Variants in PTPRD observed in about 807,000 individuals in gnomAD.
PTPRD encodes the protein receptor-type tyrosine-protein phosphatase delta.
A neutral mutation model predicts 214.5 loss-of-function variants in PTPRD; 34 were observed. The observed-to-expected ratio is 0.16, with a 90% CI of 0.12 to 0.21. PTPRD has a LOEUF of 0.21. Ranked by LOEUF, PTPRD falls within the 10% of genes least tolerant of loss-of-function variation. The pLI is 1.00. For synonymous variants in PTPRD, 1,128 were observed against 845.7 expected (o/e 1.33, Z -5.79); for missense variants, 2,545 against 2,398.7 (o/e 1.06, Z -1.27).
At chr9:10,563,730 A>T (rs1377235773) in intron 2 of PTPRD, among the ~76,000 whole-genome samples, 3 of 151,906 alleles carry the variant, frequency 2.0e-5, no homozygotes, top group Non-Finnish European at 4.4e-5. Flanking sequence ...TACGTGTCTA[A>T]ATGGTTGTAT....
intron 11 of PTPRD, among the ~76,000 whole-genome samples, chr9:8,734,885 G>A (rs977878450): frequency 6.6e-6 from 1 of 152,184 alleles, no homozygotes; most frequent in Non-Finnish European, 1.5e-5. Flanking sequence ...ACTAGGCCTT[G>A]AAGTTTAACC....
intron 10 of PTPRD, among the ~76,000 whole-genome samples, chr9:9,032,099 G>A (rs1465471973): frequency 6.6e-6 from 1 of 151,590 alleles, no homozygotes; most frequent in Non-Finnish European, 1.5e-5. Flanking sequence ...TTATTTTAAG[G>A]ACAACAGCAT....
intron 3 of PTPRD, among the ~76,000 whole-genome samples, chr9:10,057,176 A>G (rs1441806809): frequency 6.6e-6 from 1 of 152,160 alleles, no homozygotes; most frequent in Non-Finnish European, 1.5e-5. Flanking sequence ...TGAATCATAA[A>G]GTTCTGGAAG....
intron 11 of PTPRD, among the ~76,000 whole-genome samples, chr9:8,944,995 C>A (rs1159513005): frequency 6.6e-6 from 1 of 151,920 alleles, no homozygotes; most frequent in Non-Finnish European, 1.5e-5. Context: ...TTGTATACCT[C>A]TCAAAATATC....
At chr9:9,292,867 A>C (rs562699750) in intron 9 of PTPRD, among the ~76,000 whole-genome samples, 2 of 151,456 alleles carry the variant, frequency 1.3e-5, no homozygotes, top group Admixed American at 1.3e-4. Context: ...GTTTGTTTTC[A>C]TGGTTAGATT....
intron 8 of PTPRD, among the ~76,000 whole-genome samples, chr9:9,421,528 G>C (rs1199223099): frequency 6.6e-6 from 1 of 152,010 alleles, no homozygotes; most frequent in Non-Finnish European, 1.5e-5. Flanking sequence ...TACAACAAAA[G>C]TGTTTTCTTA....
At chr9:10,332,442 C>T (rs2096768376) in intron 3 of PTPRD, among the ~76,000 whole-genome samples, 1 of 151,742 alleles carries the variant, frequency 6.6e-6, no homozygotes, top group Admixed American at 6.6e-5. Flanking sequence ...CTTCACTTCC[C>T]TGATCATACA....
At chr9:9,293,954 C>T (rs1351313907) in intron 9 of PTPRD, among the ~76,000 whole-genome samples, 2 of 151,452 alleles carry the variant, frequency 1.3e-5, no homozygotes, top group African/African-American at 4.8e-5. Context: ...TTGGCATATT[C>T]AAATGGCCAG....
At chr9:8,441,800 C>T (rs752799381) in intron 34 of PTPRD, among the ~76,000 whole-genome samples, 5 of 152,122 alleles carry the variant, frequency 3.3e-5, no homozygotes, top group Admixed American at 6.5e-5. Context: ...TTAAAGAACT[C>T]GATCAAAGTC....
chr9:8,314,343 G>A lies in PTPRD; in HGVS notation c.*3531C>T, dbSNP rs998567326. 1.3e-5 allele frequency: 3 copies of A among 227,378 alleles called. No individual in the cohort carries two copies. The highest frequency in any genetic ancestry group is 1.8e-5 in the Non-Finnish European group (2 of 114,072). 14.1% of individuals were successfully genotyped at this position (227,378 alleles called of 1,614,324 possible). A position where few individuals can be genotyped will look rare whatever the true frequency, so the allele number is the denominator to read the frequency against. On this transcript the variant is annotated 3_prime_UTR_variant, in exon 46 of 46. Transcript: ENST00000381196. Reference sequence around the variant, plus strand: ...CATACAGACTTCTTTCGCCACCAATGTAACGAAGTAAGAAAATAAAAAGCA... The same window carrying A: ...CATACAGACTTCTTTCGCCACCAATATAACGAAGTAAGAAAATAAAAAGCA...
At chr9:10,365,598 C>A (rs1354596609) in intron 2 of PTPRD, among the ~76,000 whole-genome samples, 2 of 152,080 alleles carry the variant, frequency 1.3e-5, no homozygotes, top group Non-Finnish European at 2.9e-5. Flanking sequence ...CTGAGACACT[C>A]CAGATTATCG....
intron 2 of PTPRD, among the ~76,000 whole-genome samples, chr9:10,377,224 A>G (rs372820287): frequency 6.8e-4 from 103 of 152,108 alleles, no homozygotes; most frequent in African/African-American, 2.3e-3. Context: ...GTTGTTGCAA[A>G]TGACAGGATC....
chr9:10,368,930 C>G (rs1377580411), intron 2 of PTPRD, among the ~76,000 whole-genome samples: 1 of 152,034 alleles, frequency 6.6e-6, no homozygotes, highest in Non-Finnish European at 1.5e-5. Context: ...GATTAAGCAG[C>G]AAAACACACA....
intron 2 of PTPRD, among the ~76,000 whole-genome samples, chr9:10,356,731 G>A (rs10959067): frequency 6.6e-6 from 1 of 151,216 alleles, no homozygotes; most frequent in Non-Finnish European, 1.5e-5. Flanking sequence ...CCACGTTGTA[G>A]TGCAGTGGCA....
At chr9:9,245,238 G>A (rs888887137) in intron 9 of PTPRD, among the ~76,000 whole-genome samples, 4 of 151,994 alleles carry the variant, frequency 2.6e-5, no homozygotes, top group African/African-American at 7.2e-5. Flanking sequence ...GCGATTCCTC[G>A]GGGATCTAGA....
chr9:9,045,264 G>A (rs762517368), intron 10 of PTPRD, among the ~76,000 whole-genome samples: 2 of 152,084 alleles, frequency 1.3e-5, no homozygotes, highest in Non-Finnish European at 2.9e-5. Context: ...TTTCAAAAAG[G>A]CTTCAAGGGT....
chr9:9,096,403 C>T (rs936099836), intron 10 of PTPRD, among the ~76,000 whole-genome samples: 7 of 152,058 alleles, frequency 4.6e-5, no homozygotes, highest in Non-Finnish European at 1.0e-4. Context: ...GTCAATCTCA[C>T]GAATGGAATG....
intron 11 of PTPRD, among the ~76,000 whole-genome samples, chr9:8,924,527 C>A (rs1013441257): frequency 7.2e-5 from 11 of 152,134 alleles, no homozygotes; most frequent in African/African-American, 2.4e-4. Context: ...ATCAGGGAAT[C>A]AAAGTGGTAC....
intron 3 of PTPRD, among the ~76,000 whole-genome samples, chr9:10,258,443 TCTC>T (rs2093448144): frequency 6.6e-6 from 1 of 152,254 alleles, no homozygotes; most frequent in South Asian, 2.1e-4. Flanking sequence ...TGCCATAATA[TCTC>T]GGAGTGCTGA....
Sources: allele counts gnomAD v4.1 joint callset (sites outside exome capture counted in the v4.1 genomes callset), GRCh38; gene constraint gnomAD v4.1.1; transcripts MANE v1.5; gene names NCBI Gene and HGNC (gene_info 2026-07-23, HGNC 2026-07-21).